Variants in GLE1 observed in about 807,000 individuals in gnomAD.
The protein encoded by GLE1 is GLE1 RNA export mediator.
Under a neutral mutation model 97.3 loss-of-function variants are expected in GLE1, and 78 were observed. That is an observed-to-expected ratio of 0.80 (90% CI 0.67 to 0.97). The LOEUF is 0.97. GLE1 is among the 50% of genes least tolerant of loss of function. The probability of loss-of-function intolerance (pLI) is 0.00; values close to 1 mark genes in which losing one functional copy is unlikely to be tolerated. For missense variants in GLE1, 753 were observed against 857.5 expected (o/e 0.88, Z 1.52); for synonymous variants, 302 against 313.4 (o/e 0.96, Z 0.39).
chr9:128,540,184 G>A, intron 14 of GLE1, 91 bp from the exon 15 acceptor site: 2 of 890,072 alleles, frequency 2.2e-6, no homozygotes, highest in Non-Finnish European at 3.8e-6. Context: ...CCACCGCGCT[G>A]CACTCCAGCC....
chr9:128,524,540 CTTTTTTTTTTT>C (rs71381767), intron 6 of GLE1, among the ~76,000 whole-genome samples: 7 of 39,646 alleles, frequency 1.8e-4, no homozygotes, highest in East Asian at 8.2e-4. Context: ...CTTTGCTTTG[CTTTTTTTTTTT>C]TTTTTTTTTT....
At chr9:128,514,330 T>G (rs572945927) in intron 2 of GLE1, among the ~76,000 whole-genome samples, 3 of 133,414 alleles carry the variant, frequency 2.2e-5, no homozygotes, top group Non-Finnish European at 4.7e-5. Flanking sequence ...CAGAGTGAGA[T>G]CTTGTTTCAA....
chr9:128,539,769 C>T, intron 14 of GLE1, 71 bp downstream of exon 14: 1 of 1,611,718 alleles, frequency 6.2e-7, no homozygotes. Context: ...CCCAAGGGTG[C>T]TATTACCTGC....
chr9:128,521,992 A>T (rs1158571693), intron 3 of GLE1, among the ~76,000 whole-genome samples: 1 of 152,224 alleles, frequency 6.6e-6, no homozygotes, highest in Non-Finnish European at 1.5e-5. Context: ...CGAGGCAGAG[A>T]TTAACAAAAT....
chr9:128,538,600 G>A (rs1049483595), intron 13 of GLE1, among the ~76,000 whole-genome samples: 3 of 152,082 alleles, frequency 2.0e-5, no homozygotes, highest in African/African-American at 7.2e-5. Context: ...AGTTCAAGAC[G>A]AGCCTGTCCA....
At position 128,541,209 on chromosome 9, in the gene GLE1, G is replaced by A; in HGVS notation, c.*39G>A. ...CCCACCATCACCGCTGCTGCAAAGA[G>A]GCAATAATAAAGGAACTGAAGACAG... is the stretch of plus-strand genomic sequence containing the variant. On this transcript the variant is annotated 3_prime_UTR_variant, in exon 16 of 16. Transcript: ENST00000309971. 8.8e-7 allele frequency: 1 copy of A among 1,141,064 alleles called. No individual in the cohort carries two copies. Among genetic ancestry groups the A allele is most frequent in the South Asian group, 1.2e-5 (1 of 81,704 alleles). The allele number at this position is 1,141,064 out of a possible 1,614,324, so 70.7% of individuals were successfully genotyped here. A position where few individuals can be genotyped will look rare whatever the true frequency, so the allele number is the denominator to read the frequency against.
At chr9:128,538,128 G>T in intron 13 of GLE1, 38 bp downstream of exon 13, 1 of 1,124,112 alleles carries the variant, frequency 8.9e-7, no homozygotes, top group Non-Finnish European at 1.4e-6. Flanking sequence ...AAGGCCAGTG[G>T]TTGAGGTAGC....
chr9:128,506,396 GAATT>G (rs2132396156), intron 1 of GLE1, among the ~76,000 whole-genome samples: 1 of 152,174 alleles, frequency 6.6e-6, no homozygotes, highest in East Asian at 1.9e-4. Context: ...GTATTCATAA[GAATT>G]AAAAAGAAAA....
In GLE1 at chr9:128,523,147, A is replaced by G. The variant is rs1461355917; in HGVS notation, c.582-133A>G. ...TGAGCTATGCTCTGCAGCCTGGGCA[A>G]CATAACGAGACCCCATCTCTAAGAA... On this transcript the variant is annotated intron_variant, in intron 4 of 15. Transcript: ENST00000309971. 3 of 782,426 alleles carry G rather than the reference A, an allele frequency of 3.8e-6. No homozygotes were observed. The African/African-American group carries it at 5.1e-5, about 13-fold the overall frequency. The allele number at this position is 782,426 out of a possible 1,614,324, so 48.5% of individuals were successfully genotyped here.
rs541822515 is a variant in GLE1, at chr9:128,522,835, T to C, written c.581+19T>C. ...AGAAGAGGTGAGTCTCCCTGAATTA[T>C]GACTGGGAATGTTGATGTGTTCAAC... is the stretch of plus-strand genomic sequence containing the variant. On this transcript the variant is annotated intron_variant, in intron 4 of 15. Coordinates refer to ENST00000309971, the MANE Select transcript of GLE1 (RefSeq NM_001003722.2). 5 of 1,612,730 alleles carry C rather than the reference T, an allele frequency of 3.1e-6. No individual in the cohort carries two copies. Among genetic ancestry groups the C allele is most frequent in the African/African-American group, 2.7e-5 (2 of 74,958 alleles).
At position 128,509,009 on chromosome 9, in the gene GLE1, C is replaced by G. The variant is rs753465803; in HGVS notation, c.233C>G (p.Ala78Gly). The G allele has an allele frequency of 9.9e-6, 16 of 1,612,906 alleles. No homozygotes were observed. In the African/African-American group the frequency reaches 2.1e-4, roughly 22 times the overall value. The change falls in exon 2 of 16, where the codon GCC becomes GGC. Residue 78 changes from alanine (A) to glycine (G), a missense_variant. Physicochemically the swap from Ala to Gly is moderately conservative, Grantham distance 60 (BLOSUM62 0). Coordinates refer to ENST00000309971, the MANE Select transcript of GLE1 (RefSeq NM_001003722.2). The part of the protein sequence containing the change: ...ETSPSSTSAS[A>G]LDQPSFVPKS... ...TCGCCATCCTCTACGTCAGCTTCAG[C>G]CCTAGATCAACCCTCATTTGTTCCC...
intron 9 of GLE1, chr9:128,529,138 T>A (rs969433448): frequency 6.6e-6 from 1 of 152,206 alleles, no homozygotes; most frequent in Non-Finnish European, 1.5e-5. Flanking sequence ...TTTTTGGAAT[T>A]TAAAGTGCTG....
chr9:128,526,472 T>G (rs570207638), intron 7 of GLE1, among the ~76,000 whole-genome samples: 1 of 152,218 alleles, frequency 6.6e-6, no homozygotes, highest in East Asian at 1.9e-4. Flanking sequence ...TTCTCCTGCC[T>G]CAGCCTCCTG....
chr9:128,529,536 C>T (rs562138671), intron 9 of GLE1, among the ~76,000 whole-genome samples: 212 of 152,256 alleles, frequency 1.4e-3, no homozygotes, highest in African/African-American at 4.0e-3. Context: ...TAACATGAGT[C>T]TCCCTTGATC....
Position 128,504,881 on chromosome 9 carries a change from C to G in GLE1, c.76C>G (p.Arg26Gly), listed in dbSNP as rs998518976. The change falls in exon 1 of 16, where the codon CGC becomes GGC. Residue 26 changes from arginine (R) to glycine (G), a missense_variant. Physicochemically the swap from Arg to Gly is moderately radical, Grantham distance 125 (BLOSUM62 -2). Coordinates refer to ENST00000309971, the MANE Select transcript of GLE1 (RefSeq NM_001003722.2). ...SSDKGRLCYYRDWLLRREDVL... is the reference protein window; with the variant it reads ...SSDKGRLCYYGDWLLRREDVL... ...CGACAAAGGTCGCCTTTGCTACTAC[C>G]GCGACTGGCTGCTGCGGCGCGAGGT... 7 of 1,611,076 alleles carry G rather than the reference C, an allele frequency of 4.3e-6. No homozygotes were observed. Among genetic ancestry groups the G allele is most frequent in the South Asian group, 1.1e-5 (1 of 91,050 alleles).
chr9:128,533,171 C>A (rs1277543309), intron 9 of GLE1, among the ~76,000 whole-genome samples: 2 of 151,946 alleles, frequency 1.3e-5, no homozygotes, highest in Non-Finnish European at 2.9e-5. Flanking sequence ...CGCCTGTAAT[C>A]CCAGCACTTT....
intron 3 of GLE1, among the ~76,000 whole-genome samples, chr9:128,517,233 T>C (rs930909630): frequency 3.3e-5 from 5 of 151,626 alleles, no homozygotes; most frequent in African/African-American, 1.2e-4. Flanking sequence ...GAGGTGGCAG[T>C]GAGCCAAGAT....
At chr9:128,537,421 C>G (rs1349534364) in intron 12 of GLE1, among the ~76,000 whole-genome samples, 2 of 141,624 alleles carry the variant, frequency 1.4e-5, no homozygotes, top group African/African-American at 2.7e-5. Context: ...CCATTGCACT[C>G]CAGCCTGGGC....
chr9:128,527,655 A>G (rs370888414), intron 9 of GLE1, 130 bp downstream of exon 9: 37 of 713,504 alleles, frequency 5.2e-5, no homozygotes, highest in African/African-American at 4.9e-4. Context: ...TCGGGTACAT[A>G]TAAGTGACAT....
Sources: gnomAD v4.1 joint callset for allele counts (sites outside exome capture counted in the v4.1 genomes callset) on GRCh38, gnomAD v4.1.1 for gene constraint, MANE v1.5 for transcripts, NCBI Gene and HGNC (gene_info 2026-07-23, HGNC 2026-07-21) for gene names.